OSBPL2: variants seen among roughly 807,000 people sequenced by gnomAD.
OSBPL2 encodes the protein oxysterol binding protein like 2.
A neutral mutation model predicts 58.4 loss-of-function variants in OSBPL2; 18 were observed. The observed-to-expected ratio is 0.31, with a 90% CI of 0.21 to 0.46. The LOEUF (loss-of-function observed/expected upper bound fraction) is 0.46. Among genes scored for constraint, OSBPL2 ranks in the 20% least tolerant of loss-of-function variants. OSBPL2 has a pLI of 1.00. For synonymous variants in OSBPL2, 221 were observed against 234.1 expected (o/e 0.94, Z 0.51); for missense variants, 461 against 616.5 (o/e 0.75, Z 2.67).
chr20:62,279,604 T>C (rs1004645629), intron 7 of OSBPL2: 9 of 534,196 alleles, frequency 1.7e-5, no homozygotes, highest in African/African-American at 1.3e-4. Context: ...GTTGCTGGGG[T>C]GCATCCTCAC....
At chr20:62,248,832 T>C (rs1033110403) in intron 1 of OSBPL2, among the ~76,000 whole-genome samples, 38 of 152,130 alleles carry the variant, frequency 2.5e-4, no homozygotes, top group East Asian at 3.8e-4. Context: ...CTGGGACTTA[T>C]AGGCACGTGC....
chr20:62,274,744 T>C (rs1319091319), intron 6 of OSBPL2, among the ~76,000 whole-genome samples: 2 of 152,246 alleles, frequency 1.3e-5, no homozygotes, highest in Admixed American at 1.3e-4. Flanking sequence ...TGGGTGGTTA[T>C]CTAGACAAGT....
intron 11 of OSBPL2, among the ~76,000 whole-genome samples, chr20:62,287,026 G>A (rs1485319191): frequency 1.3e-5 from 2 of 152,262 alleles, no homozygotes; most frequent in Non-Finnish European, 2.9e-5. Flanking sequence ...ACACATGCTT[G>A]TGCTTCCCCT....
intron 1 of OSBPL2, chr20:62,242,254 C>T (rs751159131): frequency 6.6e-5 from 10 of 152,242 alleles, no homozygotes; most frequent in Non-Finnish European, 1.2e-4. Context: ...ATAATAAAAG[C>T]ATCTGTTAAA....
intron 4 of OSBPL2, among the ~76,000 whole-genome samples, chr20:62,266,289 TG>T (rs879299993): frequency 6.6e-6 from 1 of 152,202 alleles, no homozygotes; most frequent in Non-Finnish European, 1.5e-5. Context: ...AGGGGCCTTG[TG>T]GGGCAGCTCC....
At position 62,293,958 on chromosome 20, in the gene OSBPL2, G is replaced by T; in HGVS notation, c.*71G>T. ...GGACTTCCTCGAGTGGCCACTGTGA[G>T]CCTCGTCACAGCAGAAACCAACTTT... On this transcript the variant is annotated 3_prime_UTR_variant, in exon 14 of 14. Transcript: ENST00000313733. The T allele has an allele frequency of 6.4e-7, 1 of 1,565,314 alleles. No individual in the cohort carries two copies. Among genetic ancestry groups the T allele is most frequent in the Non-Finnish European group, 8.6e-7 (1 of 1,157,832 alleles).
chr20:62,294,238 G>A lies in OSBPL2; in HGVS notation c.*351G>A. 1 of 298,426 alleles carries A rather than the reference G, an allele frequency of 3.4e-6. No individual in the cohort carries two copies. The highest frequency in any genetic ancestry group is 4.8e-5 in the Admixed American group (1 of 20,984). 18.5% of individuals were successfully genotyped at this position (298,426 alleles called of 1,614,324 possible). A position where few individuals can be genotyped will look rare whatever the true frequency, so the allele number is the denominator to read the frequency against. ...GTGTAGCTAAAGGAAGTAATGGGAA[G>A]GGGTTCATGTTCTCTTTATAATGCA... On this transcript the variant is annotated 3_prime_UTR_variant, in exon 14 of 14. Coordinates refer to ENST00000313733, the MANE Select transcript of OSBPL2 (RefSeq NM_144498.4).
chr20:62,294,908 A>G lies in OSBPL2; in HGVS notation c.*1021A>G, dbSNP rs762979956. On this transcript the variant is annotated 3_prime_UTR_variant, in exon 14 of 14. Coordinates refer to ENST00000313733, the MANE Select transcript of OSBPL2 (RefSeq NM_144498.4). Reference sequence around the variant, plus strand: ...CCAAAAATAGGTATGTGTCCATCTCAGCATTCACCTTTATCAAGTGACTGA... The same window carrying G: ...CCAAAAATAGGTATGTGTCCATCTCGGCATTCACCTTTATCAAGTGACTGA... 3 of 151,914 alleles carry G rather than the reference A, an allele frequency of 2.0e-5. No homozygotes were observed. The highest frequency in any genetic ancestry group is 7.3e-5 in the African/African-American group (3 of 41,360). 9.4% of individuals were successfully genotyped at this position (151,914 alleles called of 1,614,324 possible). A position where few individuals can be genotyped will look rare whatever the true frequency, so the allele number is the denominator to read the frequency against.
chr20:62,262,976 G>A (rs551373306), intron 3 of OSBPL2, among the ~76,000 whole-genome samples: 22 of 152,074 alleles, frequency 1.4e-4, no homozygotes, highest in Non-Finnish European at 2.4e-4. Flanking sequence ...CTCCATTCAG[G>A]CGCTCCCCTC....
intron 3 of OSBPL2, 34 bp from the exon 4 acceptor site, chr20:62,263,582 A>G (rs753462711): frequency 6.4e-7 from 1 of 1,572,312 alleles, no homozygotes; most frequent in Non-Finnish European, 8.8e-7. Context: ...CCTGTGTTGA[A>G]TTCACCCACA....
intron 4 of OSBPL2, among the ~76,000 whole-genome samples, chr20:62,267,991 T>C (rs540365613): frequency 1.3e-4 from 20 of 151,888 alleles, no homozygotes; most frequent in Non-Finnish European, 1.9e-4. Context: ...CAAGCAATTC[T>C]CCTGCCTCAG....
At chr20:62,267,524 C>T (rs1156921032) in intron 4 of OSBPL2, among the ~76,000 whole-genome samples, 3 of 152,194 alleles carry the variant, frequency 2.0e-5, no homozygotes, top group African/African-American at 7.2e-5. Flanking sequence ...TTCAGGACCA[C>T]AGCCGGGCTC....
intron 13 of OSBPL2, among the ~76,000 whole-genome samples, chr20:62,293,030 G>C (rs1032688941): frequency 6.6e-6 from 1 of 151,760 alleles, no homozygotes; most frequent in African/African-American, 2.4e-5. Context: ...CACCACGCCT[G>C]GCTAATTTTT....
intron 12 of OSBPL2, chr20:62,291,502 G>T (rs960082116): frequency 3.2e-6 from 2 of 618,068 alleles, no homozygotes; most frequent in Non-Finnish European, 5.9e-6. Flanking sequence ...ACTCAGCTCC[G>T]CTTGGGAAGG....
At chr20:62,240,448 ACTTT>A (rs1222760986) in intron 1 of OSBPL2, among the ~76,000 whole-genome samples, 1 of 152,154 alleles carries the variant, frequency 6.6e-6, no homozygotes, top group African/African-American at 2.4e-5. Flanking sequence ...TGTCGTATTC[ACTTT>A]CTTTGTGTGA....
At chr20:62,244,449 A>AG (rs2070755199) in intron 1 of OSBPL2, among the ~76,000 whole-genome samples, 1 of 152,178 alleles carries the variant, frequency 6.6e-6, no homozygotes, top group African/African-American at 2.4e-5. Flanking sequence ...TTCTGAGAGC[A>AG]GGGCGCCCGT....
At chr20:62,240,946 C>T (rs1979686909) in intron 1 of OSBPL2, among the ~76,000 whole-genome samples, 1 of 152,206 alleles carries the variant, frequency 6.6e-6, no homozygotes, top group African/African-American at 2.4e-5. Flanking sequence ...AGTCCAGACT[C>T]TGAGGTCTCC....
chr20:62,281,671 C>A, intron 8 of OSBPL2, 119 bp from the exon 9 acceptor site: 1 of 692,506 alleles, frequency 1.4e-6, no homozygotes, highest in South Asian at 1.6e-5. Flanking sequence ...CCACCACACC[C>A]ATTTGCAGTC....
rs369342047 is a variant in OSBPL2 at position 62,290,985 on chromosome 20, G to T, written c.1250-718G>T. On this transcript the variant is annotated intron_variant, in intron 12 of 13. Transcript: ENST00000313733. The stretch of plus-strand genomic sequence containing the variant: ...ACTGCTGACCTCAGGTGATCCACCC[G>T]CCTTGGCCTCCTAAAGTGCTGGGAT... Among the ~76,000 whole-genome samples, 9 of 152,090 alleles carry T rather than the reference G, an allele frequency of 5.9e-5. No individual in the cohort carries two copies. In the East Asian group the frequency reaches 1.6e-3, roughly 26 times the overall value.
Sources: allele counts gnomAD v4.1 joint callset (sites outside exome capture counted in the v4.1 genomes callset), GRCh38; gene constraint gnomAD v4.1.1; transcripts MANE v1.5; gene names NCBI Gene and HGNC (gene_info 2026-07-23, HGNC 2026-07-21).